ADAMTS19: variants seen among roughly 807,000 people sequenced by gnomAD.
ADAMTS19 encodes ADAM metallopeptidase with thrombospondin type 1 motif 19.
A neutral mutation model predicts 153.3 loss-of-function variants in ADAMTS19; 93 were observed. The ratio of observed to expected loss-of-function variants is 0.61; its 90% CI spans 0.51 to 0.72. The LOEUF (loss-of-function observed/expected upper bound fraction) is 0.72. Among genes scored for constraint, ADAMTS19 ranks in the 30% least tolerant of loss-of-function variants. The pLI is 0.00. For missense variants in ADAMTS19, 1,482 were observed against 1,552.1 expected (o/e 0.95, Z 0.76); for synonymous variants, 600 against 556.6 (o/e 1.08, Z -1.10).
intron 13 of ADAMTS19, among the ~76,000 whole-genome samples, chr5:129,649,293 T>C (rs1047454577): frequency 2.0e-5 from 3 of 151,368 alleles, no homozygotes; most frequent in East Asian, 1.9e-4. Flanking sequence ...TTGGAAAATA[T>C]AGTTTGACAG....
At chr5:129,644,289 T>C (rs1462263282) in intron 11 of ADAMTS19, among the ~76,000 whole-genome samples, 1 of 152,228 alleles carries the variant, frequency 6.6e-6, no homozygotes, top group African/African-American at 2.4e-5. Context: ...TTCAGCTCTT[T>C]TAGAAGCCAT....
At chr5:129,647,713 G>T in intron 11 of ADAMTS19, 52 bp from the exon 12 acceptor site, 1 of 1,578,810 alleles carries the variant, frequency 6.3e-7, no homozygotes, top group South Asian at 1.2e-5. Flanking sequence ...GCCAGCGAAT[G>T]ATTTTCAGTT....
chr5:129,656,973 C>G (rs1272981253), intron 14 of ADAMTS19, among the ~76,000 whole-genome samples: 1 of 152,160 alleles, frequency 6.6e-6, no homozygotes, highest in Non-Finnish European at 1.5e-5. Flanking sequence ...AGCTTTTTCC[C>G]CATTGGAACA....
rs79081254 is a variant in ADAMTS19, at chr5:129,737,301, T to C, written c.*83T>C. 9.5e-6 allele frequency: 12 copies of C among 1,257,982 alleles called. No individual in the cohort carries two copies. The East Asian group carries it at 3.4e-4, about 36-fold the overall frequency. 77.9% of individuals were successfully genotyped at this position (1,257,982 alleles called of 1,614,324 possible). On this transcript the variant is annotated 3_prime_UTR_variant, in exon 23 of 23. Coordinates refer to ENST00000274487, the MANE Select transcript of ADAMTS19 (RefSeq NM_133638.6). ...ACACTAGCATGTTTTTCAGACCAAA[T>C]ATTATCAGATTACATATAATTTAAT...
intron 21 of ADAMTS19, among the ~76,000 whole-genome samples, chr5:129,715,793 C>T (rs1351852043): frequency 6.6e-6 from 1 of 152,110 alleles, no homozygotes; most frequent in Non-Finnish European, 1.5e-5. Flanking sequence ...TAGTTAAATA[C>T]TGGTGAGTAG....
intron 7 of ADAMTS19, among the ~76,000 whole-genome samples, chr5:129,558,073 C>CAAAGTAGGGA (rs11474501): frequency 0.85 from 129,380 of 151,660 alleles, 55,360 homozygotes; most frequent in Non-Finnish European, 0.89. Context: ...AAACTCTTGG[C>CAAAGTAGGGA]AAAGTAGGAA....
intron 16 of ADAMTS19, among the ~76,000 whole-genome samples, chr5:129,673,054 A>G (rs1754380885): frequency 6.6e-6 from 1 of 151,708 alleles, no homozygotes. Context: ...TCTTATTTCT[A>G]ATATTTTTAG....
intron 2 of ADAMTS19, among the ~76,000 whole-genome samples, chr5:129,505,130 G>T (rs998640170): frequency 6.6e-6 from 1 of 152,030 alleles, no homozygotes; most frequent in African/African-American, 2.4e-5. Context: ...TTCTCAATAC[G>T]TATTTGTTCA....
intron 16 of ADAMTS19, among the ~76,000 whole-genome samples, chr5:129,674,794 A>T (rs951119799): frequency 2.6e-5 from 4 of 152,086 alleles, no homozygotes; most frequent in Non-Finnish European, 5.9e-5. Flanking sequence ...GCCTCAGTTA[A>T]TTATACTAAA....
chr5:129,544,716 T>A (rs937019183), intron 6 of ADAMTS19, among the ~76,000 whole-genome samples: 1 of 152,168 alleles, frequency 6.6e-6, no homozygotes, highest in Non-Finnish European at 1.5e-5. Flanking sequence ...TATGTTTTAA[T>A]GAGTCTGTGC....
chr5:129,721,239 T>A, intron 21 of ADAMTS19, among the ~76,000 whole-genome samples: 1 of 152,216 alleles, frequency 6.6e-6, no homozygotes, highest in Non-Finnish European at 1.5e-5. Flanking sequence ...ATGAAGATGA[T>A]CTTGATAAAA....
intron 3 of ADAMTS19, among the ~76,000 whole-genome samples, chr5:129,522,297 G>A (rs1407493745): frequency 1.8e-5 from 2 of 112,850 alleles, no homozygotes; most frequent in East Asian, 5.4e-4. Context: ...ATGTGTGTGT[G>A]TGTATATATA....
At chr5:129,625,895 G>A (rs1228501862) in intron 10 of ADAMTS19, among the ~76,000 whole-genome samples, 1 of 152,080 alleles carries the variant, frequency 6.6e-6, no homozygotes, top group African/African-American at 2.4e-5. Context: ...TGCTTTTGGT[G>A]TTTTAGTCCT....
chr5:129,692,914 C>G (rs1217779654), intron 18 of ADAMTS19, among the ~76,000 whole-genome samples: 1 of 152,128 alleles, frequency 6.6e-6, no homozygotes. Flanking sequence ...CTGCCTGACA[C>G]TCTTGCCTAT....
intron 7 of ADAMTS19, among the ~76,000 whole-genome samples, chr5:129,565,388 G>A (rs2126852128): frequency 6.6e-6 from 1 of 152,250 alleles, no homozygotes; most frequent in South Asian, 2.1e-4. Flanking sequence ...TCTCATATCT[G>A]AGAGGCCTGG....
At position 129,617,484 on chromosome 5, in the gene ADAMTS19, A is replaced by T. The variant is rs79169810; in HGVS notation, c.1479-3134A>T. ...CCCTCATTGGGACACATTATTTAGG[A>T]AGGTTTATTATTTTTGAGAAAGACT... On this transcript the variant is annotated intron_variant, in intron 8 of 22. Transcript: ENST00000274487. Among the ~76,000 whole-genome samples the T allele has an allele frequency of 3.0e-3, 464 of 152,182 alleles. 2 individuals are homozygous for T. Among genetic ancestry groups the T allele is most frequent in the East Asian group, 0.027 (141 of 5,186 alleles).
At chr5:129,556,037 A>T (rs1753299184) in intron 7 of ADAMTS19, among the ~76,000 whole-genome samples, 1 of 152,202 alleles carries the variant, frequency 6.6e-6, no homozygotes, top group South Asian at 2.1e-4. Context: ...GCTTCCGTTG[A>T]TAAATTATAG....
chr5:129,645,167 C>T (rs1233719219), intron 11 of ADAMTS19, among the ~76,000 whole-genome samples: 1 of 152,046 alleles, frequency 6.6e-6, no homozygotes, highest in Admixed American at 6.6e-5. Flanking sequence ...TACATAATCC[C>T]TTAGTACTTT....
intron 8 of ADAMTS19, among the ~76,000 whole-genome samples, chr5:129,615,463 A>G (rs1751472710): frequency 6.6e-6 from 1 of 152,020 alleles, no homozygotes; most frequent in South Asian, 2.1e-4. Context: ...TAAATATTCT[A>G]TTTTAATTCG....
Sources: gnomAD v4.1 joint callset for allele counts (sites outside exome capture counted in the v4.1 genomes callset) on GRCh38, gnomAD v4.1.1 for gene constraint, MANE v1.5 for transcripts, NCBI Gene and HGNC (gene_info 2026-07-23, HGNC 2026-07-21) for gene names.